Variants in MYO7B observed in about 807,000 individuals in gnomAD.
MYO7B encodes the protein unconventional myosin-VIIb.
Under a neutral mutation model 259.7 loss-of-function variants are expected in MYO7B, and 212 were observed. The observed-to-expected ratio is 0.82, with a 90% CI of 0.73 to 0.91. The LOEUF (loss-of-function observed/expected upper bound fraction) is 0.91. Ranked by LOEUF, MYO7B falls within the 40% of genes least tolerant of loss-of-function variation. The pLI is 0.00. For missense variants in MYO7B, 2,732 were observed against 2,813.5 expected (o/e 0.97, Z 0.66); for synonymous variants, 1,197 against 1,166.4 (o/e 1.03, Z -0.54).
chr2:127,543,010 G>A (rs971964334), intron 1 of MYO7B, among the ~76,000 whole-genome samples: 8 of 152,200 alleles, frequency 5.3e-5, no homozygotes, highest in African/African-American at 1.7e-4. Context: ...ATACAATCGT[G>A]TTTTACACCA....
At chr2:127,579,574 ATTTG>A (rs34233331) in intron 9 of MYO7B, among the ~76,000 whole-genome samples, 4,210 of 150,456 alleles carry the variant, frequency 0.028, 191 homozygotes, top group African/African-American at 0.097. Flanking sequence ...CTAACATAAC[ATTTG>A]TTTGTTTGTT....
At chr2:127,634,714 GC>G in intron 42 of MYO7B, 31 bp downstream of exon 42, 1 of 1,587,458 alleles carries the variant, frequency 6.3e-7, no homozygotes, top group East Asian at 2.3e-5. Context: ...CTGGGGGAGG[GC>G]GTGGCTGGGT....
intron 3 of MYO7B, 26 bp downstream of exon 3, chr2:127,564,292 G>A: frequency 6.6e-7 from 1 of 1,506,816 alleles, no homozygotes; most frequent in Non-Finnish European, 9.0e-7. Flanking sequence ...TTTCCTCTGG[G>A]CCCTGCCCTG....
Position 127,637,580 on chromosome 2 carries a change from G to A in MYO7B, c.*163G>A, listed in dbSNP as rs980851721. ...CCGCAGGCGGCCCCCTCTGTCCTGG[G>A]CGCTGCCCAGGGAGGCCAAAAGACG... On this transcript the variant is annotated 3_prime_UTR_variant, in exon 48 of 48. Transcript: ENST00000409816. The A allele has an allele frequency of 4.4e-5, 24 of 542,486 alleles. No individual in the cohort carries two copies. Among genetic ancestry groups the A allele is most frequent in the Admixed American group, 7.1e-5 (2 of 28,072 alleles). The allele number at this position is 542,486 out of a possible 1,614,324, so 33.6% of individuals were successfully genotyped here.
chr2:127,628,437 C>T lies in MYO7B; in HGVS notation c.4526C>T (p.Pro1509Leu). 6.3e-7 allele frequency: 1 copy of T among 1,593,404 alleles called. No individual in the cohort carries two copies. The highest frequency in any genetic ancestry group is 8.5e-7 in the Non-Finnish European group (1 of 1,171,528). ...TMHEEYEFVS[P>L]SSVAIAELVA... ...CATGAGGAGTACGAGTTTGTGTCAC[C>T]CAGCAGTGTGGCCATCGCTGAGCTG... Residue 1509 changes from proline (P) to leucine (L), a missense_variant, in exon 34 of 48, where the codon CCC (proline) becomes CTC (leucine). This residue lies in a region of MYO7B where 1,906 missense variants were observed against 2,026.4 expected (regional missense o/e 0.94). Coordinates refer to ENST00000409816, the MANE Select transcript of MYO7B (RefSeq NM_001393586.1). The surrounding 1 kb of genome is among the most constrained non-coding windows in gnomAD (Gnocchi z 4.8).
Position 127,628,180 on chromosome 2 carries a change from G to T in MYO7B, c.4461-192G>T. 1.4e-6 allele frequency: 1 copy of T among 733,658 alleles called. No individual in the cohort carries two copies. The highest frequency in any genetic ancestry group is 2.4e-6 in the Non-Finnish European group (1 of 417,054). 45.4% of individuals were successfully genotyped at this position (733,658 alleles called of 1,614,324 possible). A position where few individuals can be genotyped will look rare whatever the true frequency, so the allele number is the denominator to read the frequency against. ...GGGCTGCACCACTCTCAGCCTCCGA[G>T]AGGTCCTGTGCTCCGCCGTCCTTCA... On this transcript the variant is annotated intron_variant, in intron 33 of 47. Transcript: ENST00000409816. This position sits in a 1 kb window ranked among gnomAD's most constrained non-coding sequence, Gnocchi z 4.8.
intron 19 of MYO7B, 146 bp downstream of exon 19, chr2:127,596,702 C>T: frequency 2.9e-6 from 2 of 678,152 alleles, no homozygotes; most frequent in African/African-American, 1.8e-5. Flanking sequence ...CAACCAGGGA[C>T]ACTGCAGCCT....
At chr2:127,544,471 C>T (rs906609428) in intron 1 of MYO7B, among the ~76,000 whole-genome samples, 2 of 152,070 alleles carry the variant, frequency 1.3e-5, no homozygotes, top group Non-Finnish European at 2.9e-5. Context: ...TGCAATGGCA[C>T]GATCTTGGCT....
chr2:127,632,310 G>A lies in MYO7B; in HGVS notation c.5314G>A (p.Gly1772Arg), dbSNP rs1681565643. ...LCTGLFPPSK[G>R]LLPHAQKFID... The stretch of plus-strand genomic sequence containing the variant: ...CACGGGCCTCTTCCCGCCCAGCAAG[G>A]GGCTGCTGCCCCATGCCCAGAAGTT... Residue 1772 changes from glycine (G) to arginine (R), a missense_variant, in exon 39 of 48, where the codon GGG (glycine) becomes AGG (arginine). Coordinates refer to ENST00000409816, the MANE Select transcript of MYO7B (RefSeq NM_001393586.1). 4 of 1,610,976 alleles carry A rather than the reference G, an allele frequency of 2.5e-6. No individual in the cohort carries two copies. The highest frequency in any genetic ancestry group is 3.4e-6 in the Non-Finnish European group (4 of 1,179,184).
rs368877066 is a variant in MYO7B, at chr2:127,608,728, C to T, written c.2664C>T (p.Ala888=). ...RKANAPLVIP[A]EGQKSQGALP... ...TGCAGGCGCCGCTGGTCATCCCGGC[C>T]GAGGGGCAGAAAAGCCAAGGCGCTC... Residue 888 remains alanine, a synonymous_variant, in exon 22 of 48, where the codon GCC becomes GCT. Transcript: ENST00000409816. 47 of 1,612,466 alleles carry T rather than the reference C, an allele frequency of 2.9e-5. No homozygotes were observed. The highest frequency in any genetic ancestry group is 9.3e-5 in the African/African-American group (7 of 75,028).
In MYO7B at chr2:127,539,983, A is replaced by G. The variant is rs77160111; in HGVS notation, c.-24+4152A>G. Among the ~76,000 whole-genome samples, 1 of 152,180 alleles carries G rather than the reference A, an allele frequency of 6.6e-6. No homozygotes were observed. The highest frequency in any genetic ancestry group is 6.5e-5 in the Admixed American group (1 of 15,278). ...ACTTAGAATAATGGCCTCCAGCTCC[A>G]TCCAAGTAGCTGCCCAAGACATTAT... On this transcript the variant is annotated intron_variant, in intron 1 of 47. Coordinates refer to ENST00000409816, the MANE Select transcript of MYO7B (RefSeq NM_001393586.1). The surrounding 1 kb of genome is among the most constrained non-coding windows in gnomAD (Gnocchi z 4.0).
At position 127,584,030 on chromosome 2, in the gene MYO7B, G is replaced by T. The variant is rs1679206752; in HGVS notation, c.1344-92G>T. 4.2e-6 allele frequency: 5 copies of T among 1,188,812 alleles called. No individual in the cohort carries two copies. The highest frequency in any genetic ancestry group is 2.3e-4 in the Middle Eastern group (1 of 4,330). 73.6% of individuals were successfully genotyped at this position (1,188,812 alleles called of 1,614,324 possible). A position where few individuals can be genotyped will look rare whatever the true frequency, so the allele number is the denominator to read the frequency against. On this transcript the variant is annotated intron_variant, in intron 12 of 47. Transcript: ENST00000409816. This position sits in a 1 kb window ranked among gnomAD's most constrained non-coding sequence, Gnocchi z 5.8. ...TGGGCATATCTGTATGCAGCTGTTT[G>T]CAGATGGCTGGTGATCCTATGGCTC...
At position 127,609,418 on chromosome 2, in the gene MYO7B, G is replaced by T; in HGVS notation, c.2815-88G>T. 6 of 1,250,080 alleles carry T rather than the reference G, an allele frequency of 4.8e-6. No individual in the cohort carries two copies. The highest frequency in any genetic ancestry group is 6.8e-6 in the Non-Finnish European group (6 of 881,110). The allele number at this position is 1,250,080 out of a possible 1,614,324, so 77.4% of individuals were successfully genotyped here. Reference sequence around the variant, plus strand: ...GGATCAGGGTAATGCAACAGCCCCCGTGCTGCCCGGCCTGCTGGACAGTCA... The same window carrying T: ...GGATCAGGGTAATGCAACAGCCCCCTTGCTGCCCGGCCTGCTGGACAGTCA... On this transcript the variant is annotated intron_variant, in intron 22 of 47. Transcript: ENST00000409816. The surrounding 1 kb of genome is among the most constrained non-coding windows in gnomAD (Gnocchi z 6.9).
chr2:127,536,121 C>G (rs372536838), intron 1 of MYO7B, among the ~76,000 whole-genome samples: 3 of 152,256 alleles, frequency 2.0e-5, no homozygotes, highest in African/African-American at 7.2e-5. Flanking sequence ...CGGCAGGTGC[C>G]AAGGCTGCTC....
Position 127,539,957 on chromosome 2 carries a change from C to A in MYO7B, c.-24+4126C>A, listed in dbSNP as rs1227723429. ...TTGGTTTTCCATTTCTGAGTTACTTCACTTAGAATAATGGCCTCCAGCTCC... is the reference window on the plus strand; with the variant it reads ...TTGGTTTTCCATTTCTGAGTTACTTAACTTAGAATAATGGCCTCCAGCTCC... On this transcript the variant is annotated intron_variant, in intron 1 of 47. Coordinates refer to ENST00000409816, the MANE Select transcript of MYO7B (RefSeq NM_001393586.1). This position sits in a 1 kb window ranked among gnomAD's most constrained non-coding sequence, Gnocchi z 4.0. Among the ~76,000 whole-genome samples, 2 of 152,198 alleles carry A rather than the reference C, an allele frequency of 1.3e-5. No homozygotes were observed. Among genetic ancestry groups the A allele is most frequent in the Non-Finnish European group, 2.9e-5 (2 of 68,030 alleles).
At position 127,628,336 on chromosome 2, in the gene MYO7B, G is replaced by C. The variant is rs1181958854; in HGVS notation, c.4461-36G>C. Reference sequence around the variant, plus strand: ...TTAGGGGCTGGATCAGGGGAAGGTGGAGGGGGCTCCTGGTCACGCTGTCCT... The same window carrying C: ...TTAGGGGCTGGATCAGGGGAAGGTGCAGGGGGCTCCTGGTCACGCTGTCCT... On this transcript the variant is annotated intron_variant, in intron 33 of 47. Transcript: ENST00000409816. The surrounding 1 kb of genome is among the most constrained non-coding windows in gnomAD (Gnocchi z 4.8). The C allele has an allele frequency of 6.4e-7, 1 of 1,573,658 alleles. No homozygotes were observed.
rs755773117 is a variant in MYO7B, at chr2:127,559,310, G to A, written c.-23-390G>A. On this transcript the variant is annotated intron_variant, in intron 1 of 47. Transcript: ENST00000409816. The surrounding 1 kb of genome is among the most constrained non-coding windows in gnomAD (Gnocchi z 4.1). ...GGGAACACGCACATTCTGCAGTGCT[G>A]TGAGGCTTAAAGTTGTGTCTATAGC... Among the ~76,000 whole-genome samples the A allele has an allele frequency of 6.6e-6, 1 of 152,222 alleles. No homozygotes were observed. The highest frequency in any genetic ancestry group is 1.5e-5 in the Non-Finnish European group (1 of 68,038).
rs751210108 is a variant in MYO7B at position 127,627,636 on chromosome 2, C to T, written c.4460+326C>T. The T allele has an allele frequency of 2.1e-4, 101 of 481,746 alleles. No homozygotes were observed. Among genetic ancestry groups the T allele is most frequent in the African/African-American group, 1.5e-3 (76 of 51,146 alleles). 29.8% of individuals were successfully genotyped at this position (481,746 alleles called of 1,614,324 possible). On this transcript the variant is annotated intron_variant, in intron 33 of 47. Coordinates refer to ENST00000409816, the MANE Select transcript of MYO7B (RefSeq NM_001393586.1). The surrounding 1 kb of genome is among the most constrained non-coding windows in gnomAD (Gnocchi z 5.6). ...AGAAGGCTCCTTTCTTTGTCATGGA[C>T]GAGAACTGGTGGCCTGGAGGGTACA...
chr2:127,559,647 C>T lies in MYO7B; in HGVS notation c.-23-53C>T, dbSNP rs535268342. On this transcript the variant is annotated intron_variant, in intron 1 of 47. Transcript: ENST00000409816. The surrounding 1 kb of genome is among the most constrained non-coding windows in gnomAD (Gnocchi z 4.1). ...AAGCCCAGCTCCTGTGCTCCAGGGG[C>T]TCCTATTGGGGCTGTGTATGGAGCT... The T allele has an allele frequency of 9.0e-6, 14 of 1,558,252 alleles. No homozygotes were observed. The highest frequency in any genetic ancestry group is 1.2e-5 in the Non-Finnish European group (14 of 1,129,492).
Sources: gnomAD v4.1 joint callset for allele counts (sites outside exome capture counted in the v4.1 genomes callset) on GRCh38, gnomAD v4.1.1 for gene constraint, gnomAD v4.1.1 regional missense constraint, Gnocchi (gnomAD v3.1) non-coding constraint, MANE v1.5 for transcripts, NCBI Gene and HGNC (gene_info 2026-07-23, HGNC 2026-07-21) for gene names.